Variants in FBXO38 observed in about 807,000 individuals in gnomAD.
FBXO38 encodes the protein F-box protein 38, also known as F-box only protein 38.
A neutral mutation model predicts 131.9 loss-of-function variants in FBXO38; 53 were observed. The observed-to-expected ratio is 0.40, with a 90% CI of 0.32 to 0.51. The LOEUF (loss-of-function observed/expected upper bound fraction) is 0.51. FBXO38 is among the 20% of genes least tolerant of loss of function. FBXO38 has a pLI of 0.53. For synonymous variants in FBXO38, 452 were observed against 505.6 expected (o/e 0.89, Z 1.42); for missense variants, 1,076 against 1,475.6 (o/e 0.73, Z 4.44).
chr5:148,428,012 C>T, intron 15 of FBXO38, 65 bp downstream of exon 15: 1 of 1,400,632 alleles, frequency 7.1e-7, no homozygotes, highest in Non-Finnish European at 9.3e-7. Context: ...GAACTTGTTT[C>T]ATGAGTTTTC....
Position 148,438,130 on chromosome 5 carries a change from G to A in FBXO38, c.2858-202G>A, listed in dbSNP as rs146535871. Among the ~76,000 whole-genome samples the A allele has an allele frequency of 3.1e-3, 471 of 152,178 alleles. 4 individuals are homozygous for A. The highest frequency in any genetic ancestry group is 0.02 in the Middle Eastern group (6 of 294). ...CTTAACAGTAAAATCTTAGAAAAAG[G>A]CACTTTAATGCCCCTTCTACCTTCT... On this transcript the variant is annotated intron_variant, in intron 17 of 21. Coordinates refer to ENST00000340253, the MANE Select transcript of FBXO38 (RefSeq NM_205836.3).
chr5:148,419,352 AAC>A (rs968311354), intron 12 of FBXO38, among the ~76,000 whole-genome samples: 3 of 151,780 alleles, frequency 2.0e-5, no homozygotes, highest in East Asian at 1.9e-4. Flanking sequence ...ACACACACAC[AAC>A]ACACACACAC....
chr5:148,424,228 G>C, intron 13 of FBXO38, 111 bp downstream of exon 13: 1 of 1,037,946 alleles, frequency 9.6e-7, no homozygotes, highest in East Asian at 2.5e-5. Context: ...CTAATGATAC[G>C]TTTTATGCTA....
At position 148,399,015 on chromosome 5, in the gene FBXO38, G is replaced by A; in HGVS notation, c.145G>A (p.Asp49Asn). The A allele has an allele frequency of 1.9e-6, 3 of 1,613,366 alleles. No individual in the cohort carries two copies. The highest frequency in any genetic ancestry group is 2.5e-6 in the Non-Finnish European group (3 of 1,179,512). Residue 49 changes from aspartate (D) to asparagine (N), a missense_variant, in exon 3 of 22, where the codon GAT becomes AAT. Transcript: ENST00000340253. ...CTCACAAAGGTACCTCCCTCTGCAG[G>A]ATATCATGTGTATGGAATGTCTTTC... ...CHIFRYLPLQ[D>N]IMCMECLSRK...
intron 12 of FBXO38, among the ~76,000 whole-genome samples, chr5:148,418,292 T>C (rs1295310283): frequency 6.6e-6 from 1 of 152,340 alleles, no homozygotes; most frequent in Admixed American, 6.5e-5. Flanking sequence ...TTTCCTTTGC[T>C]TGTAGCACCT....
intron 11 of FBXO38, 114 bp from the exon 12 acceptor site, chr5:148,416,880 T>A: frequency 1.5e-6 from 1 of 664,404 alleles, no homozygotes; most frequent in East Asian, 2.7e-5. Context: ...ATTTCATAAA[T>A]AAGTACTATA....
intron 2 of FBXO38, among the ~76,000 whole-genome samples, chr5:148,398,456 A>AG (rs201828936): frequency 0.12 from 17,774 of 150,078 alleles, 2,214 homozygotes; most frequent in East Asian, 0.32. Context: ...AAAAAAAAAA[A>AG]TGGGAAAAGA....
chr5:148,415,992 C>T lies in FBXO38; in HGVS notation c.1329C>T (p.Asp443=). ...NLVRCHALKL[D]SFGQFIELLP... ...TACGGTGCCATGCTTTGAAGCTGGA[C>T]TCTTTTGGCCAGTTTATTGAATTAT... Residue 443 remains aspartate, a synonymous_variant, in exon 11 of 22, where the codon GAC becomes GAT. Transcript: ENST00000340253. The T allele has an allele frequency of 6.2e-7, 1 of 1,613,266 alleles. No homozygotes were observed.
rs547357433 is a variant in FBXO38 at position 148,394,483 on chromosome 5, T to G, written c.-63-231T>G. Among the ~76,000 whole-genome samples, 15 of 152,280 alleles carry G rather than the reference T, an allele frequency of 9.9e-5. No individual in the cohort carries two copies. The South Asian group carries it at 3.1e-3, about 32-fold the overall frequency. The stretch of plus-strand genomic sequence containing the variant: ...CTCATGATTCCTGGATTTTTGCTCT[T>G]TCTAAGTAATGCATATTTATATTAT... On this transcript the variant is annotated intron_variant, in intron 1 of 21. Coordinates refer to ENST00000340253, the MANE Select transcript of FBXO38 (RefSeq NM_205836.3).
In FBXO38 at chr5:148,394,828, C is replaced by T; in HGVS notation, c.52C>T (p.Pro18Ser). 1 of 1,603,300 alleles carries T rather than the reference C, an allele frequency of 6.2e-7. No homozygotes were observed. Among genetic ancestry groups the T allele is most frequent in the Non-Finnish European group, 8.5e-7 (1 of 1,175,048 alleles). Residue 18 changes from proline to serine, a missense_variant, in exon 2 of 22, where the codon CCA (proline) becomes TCA (serine). Physicochemically the swap from Pro to Ser is moderately conservative, Grantham distance 74. This residue lies in a region of FBXO38 where 58 missense variants were observed against 53.1 expected (regional missense o/e 1.09). Transcript: ENST00000340253. ...AACATGTATCATGAATAATGAAATTCCAGAAGAAATGACAGCAGATGAAAC... is the reference window on the plus strand; with the variant it reads ...AACATGTATCATGAATAATGAAATTTCAGAAGAAATGACAGCAGATGAAAC... The part of the protein sequence containing the change: ...VKTCIMNNEI[P>S]EEMTADETKD...
chr5:148,428,320 C>T (rs1318979223), intron 15 of FBXO38, among the ~76,000 whole-genome samples: 4 of 152,170 alleles, frequency 2.6e-5, no homozygotes, highest in Non-Finnish European at 5.9e-5. Context: ...AAGGACTTGA[C>T]GTTGCTGGGG....
Position 148,427,476 on chromosome 5 carries a change from G to T in FBXO38, c.2182G>T (p.Val728Leu). The T allele has an allele frequency of 6.2e-7, 1 of 1,614,242 alleles. No homozygotes were observed. The highest frequency in any genetic ancestry group is 8.5e-7 in the Non-Finnish European group (1 of 1,180,044). ...HNTASQSPDF[V>L]RTVNSGGSSE... The stretch of plus-strand genomic sequence containing the variant: ...CACTGCTTCTCAAAGCCCCGACTTT[G>T]TAAGGACGGTGAACAGCGGCGGCTC... The change falls in exon 15 of 22, where the codon GTA becomes TTA. Residue 728 changes from valine to leucine, a missense_variant. Around this residue, in one of 8 missense-constraint regions of FBXO38, gnomAD observed 213 missense variants for 225.2 expected, o/e 0.95. Coordinates refer to ENST00000340253, the MANE Select transcript of FBXO38 (RefSeq NM_205836.3).
intron 7 of FBXO38, among the ~76,000 whole-genome samples, chr5:148,407,794 G>A (rs1166016232): frequency 1.3e-5 from 2 of 151,928 alleles, no homozygotes; most frequent in South Asian, 2.1e-4. Context: ...TCGTGGTGGC[G>A]GGCACCTGTA....
At chr5:148,386,885 G>A (rs924805340) in intron 1 of FBXO38, among the ~76,000 whole-genome samples, 33 of 151,912 alleles carry the variant, frequency 2.2e-4, no homozygotes, top group African/African-American at 4.8e-4. Context: ...TAATGTATAC[G>A]CCATAATTTT....
At chr5:148,387,722 T>C (rs1205323888) in intron 1 of FBXO38, among the ~76,000 whole-genome samples, 1 of 146,490 alleles carries the variant, frequency 6.8e-6, no homozygotes, top group African/African-American at 2.5e-5. Flanking sequence ...AGATGGAGTC[T>C]AGCTCTGTTA....
rs574567597 is a variant in FBXO38, at chr5:148,431,015, T to C, written c.2654-2409T>C. Among the ~76,000 whole-genome samples, 3 of 152,362 alleles carry C rather than the reference T, an allele frequency of 2.0e-5. No individual in the cohort carries two copies. The East Asian group carries it at 5.8e-4, about 29-fold the overall frequency. On this transcript the variant is annotated intron_variant, in intron 15 of 21. Transcript: ENST00000340253. ...GTTTCTGTAGCATCTTCAACATTAA[T>C]GTGAACCACACTCTGTTGTAATTTC...
chr5:148,402,900 TACAC>T (rs1752236853), intron 5 of FBXO38, among the ~76,000 whole-genome samples: 1 of 151,050 alleles, frequency 6.6e-6, no homozygotes, highest in Non-Finnish European at 1.5e-5. Context: ...TACACACACA[TACAC>T]AGAGAGAGAG....
Position 148,410,653 on chromosome 5 carries a change from C to G in FBXO38, c.981C>G (p.Ile327Met). 6.2e-7 allele frequency: 1 copy of G among 1,614,046 alleles called. No homozygotes were observed. Among genetic ancestry groups the G allele is most frequent in the Non-Finnish European group, 8.5e-7 (1 of 1,179,974 alleles). Residue 327 changes from isoleucine to methionine, a missense_variant, in exon 9 of 22, where the codon ATC becomes ATG. Around this residue, in one of 8 missense-constraint regions of FBXO38, gnomAD observed 146 missense variants for 274.3 expected, o/e 0.53. Transcript: ENST00000340253. Reference protein sequence around the residue: ...TAARRLHEVRIQPSLTKDGVF... With the variant: ...TAARRLHEVRMQPSLTKDGVF... The stretch of plus-strand genomic sequence containing the variant: ...TTCACAGGTTACATGAAGTTCGGAT[C>G]CAGCCTTCCCTAACCAAAGATGGTG...
At chr5:148,392,347 G>A (rs1758238156) in intron 1 of FBXO38, among the ~76,000 whole-genome samples, 1 of 152,128 alleles carries the variant, frequency 6.6e-6, no homozygotes, top group Non-Finnish European at 1.5e-5. Flanking sequence ...TTACAATTCA[G>A]GAATTCAGTA....
Sources: gnomAD v4.1 joint callset for allele counts (sites outside exome capture counted in the v4.1 genomes callset) on GRCh38, gnomAD v4.1.1 for gene constraint, gnomAD v4.1.1 regional missense constraint, MANE v1.5 for transcripts, NCBI Gene and HGNC (gene_info 2026-07-23, HGNC 2026-07-21) for gene names.